RAB18: variants seen among roughly 807,000 people sequenced by gnomAD.
RAB18 encodes the protein RAB18, member RAS oncogene family.
A neutral mutation model predicts 28.5 loss-of-function variants in RAB18; 10 were observed. The observed-to-expected ratio is 0.35, with a 90% CI of 0.22 to 0.60. RAB18 has a LOEUF of 0.60. Among genes scored for constraint, RAB18 ranks in the 20% least tolerant of loss-of-function variants. The pLI, the probability that RAB18 is intolerant of heterozygous loss-of-function variation, is 0.78. For synonymous variants in RAB18, 93 were observed against 86.9 expected, an observed-to-expected ratio of 1.07 and a Z score of -0.39; for missense variants, 188 against 244.2, an observed-to-expected ratio of 0.77 and a Z score of 1.53.
intron 3 of RAB18, chr10:27,531,378 T>C: frequency 1.7e-5 from 22 of 1,283,832 alleles, no homozygotes; most frequent in Non-Finnish European, 2.3e-5. Context: ...TTTGAATTCT[T>C]CTCCAATCTT....
chr10:27,521,301 T>G (rs1293825676), intron 2 of RAB18, among the ~76,000 whole-genome samples: 1 of 152,194 alleles, frequency 6.6e-6, no homozygotes, highest in Non-Finnish European at 1.5e-5. Context: ...CTTCAAACCC[T>G]TTGTTTTCTG....
chr10:27,509,577 GAACAGTTAAAA>G (rs1338228122), intron 1 of RAB18, among the ~76,000 whole-genome samples: 1 of 152,026 alleles, frequency 6.6e-6, no homozygotes, highest in African/African-American at 2.4e-5. Flanking sequence ...GGACATACCA[GAACAGTTAAAA>G]AACAACTACA....
chr10:27,504,571 G>A (rs908527399), intron 1 of RAB18, 134 bp downstream of exon 1: 1 of 1,024,396 alleles, frequency 9.8e-7, no homozygotes, highest in African/African-American at 1.6e-5. Flanking sequence ...GCCCTCCTCG[G>A]CCTCTGGGCC....
In RAB18 at chr10:27,541,990, A is replaced by T. The variant is rs1047915; in HGVS notation, c.*3939A>T. On this transcript the variant is annotated 3_prime_UTR_variant, in exon 7 of 7. Coordinates refer to ENST00000356940, the MANE Select transcript of RAB18 (RefSeq NM_021252.5). ...CCCAGACCAGACTACTGAGATAAAG[A>T]TGTTTGCCTAGGCTTTTTCAGGAGC... 9,570 of 454,024 alleles carry T rather than the reference A, an allele frequency of 0.021. 145 individuals carry two copies. The highest frequency in any genetic ancestry group is 0.031 in the Non-Finnish European group (7,004 of 226,792). 28.1% of individuals were successfully genotyped at this position (454,024 alleles called of 1,614,324 possible). A position where few individuals can be genotyped will look rare whatever the true frequency, so the allele number is the denominator to read the frequency against.
intron 3 of RAB18, among the ~76,000 whole-genome samples, chr10:27,531,989 C>T (rs1268134115): frequency 6.6e-6 from 1 of 151,824 alleles, no homozygotes; most frequent in African/African-American, 2.4e-5. Flanking sequence ...TATGCATTTT[C>T]TCAAAAGGAG....
chr10:27,515,621 C>T (rs2138985578), intron 2 of RAB18, among the ~76,000 whole-genome samples: 1 of 152,158 alleles, frequency 6.6e-6, no homozygotes, highest in East Asian at 1.9e-4. Context: ...ATAATCCCAG[C>T]ACTTTGTGAG....
At chr10:27,527,032 TA>T in intron 3 of RAB18, 143 bp downstream of exon 3, 1 of 909,382 alleles carries the variant, frequency 1.1e-6, no homozygotes, top group Non-Finnish European at 1.8e-6. Context: ...GATTAAAGGA[TA>T]AACAGTAATG....
chr10:27,505,065 GA>G (rs1837785118), intron 1 of RAB18: 1 of 533,500 alleles, frequency 1.9e-6, no homozygotes, highest in South Asian at 1.4e-5. Flanking sequence ...GGCCACCTTT[GA>G]AAATAAAATG....
rs550766937 is a variant in RAB18, at chr10:27,538,652, T to C, written c.*601T>C. 1 of 453,916 alleles carries C rather than the reference T, an allele frequency of 2.2e-6. No homozygotes were observed. Among genetic ancestry groups the C allele is most frequent in the Admixed American group, 2.4e-5 (1 of 42,494 alleles). The allele number at this position is 453,916 out of a possible 1,614,324, so 28.1% of individuals were successfully genotyped here. A position where few individuals can be genotyped will look rare whatever the true frequency, so the allele number is the denominator to read the frequency against. ...AACAGCATTGATAGGTTAAAGAAGC[T>C]TGGTATTTTTAATTTACTTCAATGA... On this transcript the variant is annotated 3_prime_UTR_variant, in exon 7 of 7. Coordinates refer to ENST00000356940, the MANE Select transcript of RAB18 (RefSeq NM_021252.5).
Position 27,504,306 on chromosome 10 carries a change from T to A in RAB18, c.-64T>A. On this transcript the variant is annotated 5_prime_UTR_variant, in exon 1 of 7. Transcript: ENST00000356940. ...GCGGCGCGCATGCGCAGCAGCTCAC[T>A]CTGCTGAAGGGCTGAGAGGCGCACC... The A allele has an allele frequency of 2.0e-6, 3 of 1,489,384 alleles. No homozygotes were observed. The South Asian group carries it at 3.6e-5, about 18-fold the overall frequency. The allele number at this position is 1,489,384 out of a possible 1,614,324, so 92.3% of individuals were successfully genotyped here.
intron 4 of RAB18, among the ~76,000 whole-genome samples, chr10:27,533,108 G>A (rs1035632158): frequency 1.4e-4 from 22 of 152,052 alleles, no homozygotes; most frequent in African/African-American, 5.1e-4. Context: ...TTGATCAATT[G>A]TATTAATAGG....
chr10:27,523,611 C>CTTT (rs775018935), intron 2 of RAB18, among the ~76,000 whole-genome samples: 3 of 131,310 alleles, frequency 2.3e-5, no homozygotes, highest in East Asian at 2.1e-4. Context: ...CCATTTTTAC[C>CTTT]TTTTTTTTTT....
chr10:27,529,936 A>G (rs1834753857), intron 3 of RAB18, among the ~76,000 whole-genome samples: 1 of 152,046 alleles, frequency 6.6e-6, no homozygotes, highest in Non-Finnish European at 1.5e-5. Flanking sequence ...AAATATTCAC[A>G]AGCAAAGTTT....
Position 27,538,336 on chromosome 10 carries a change from T to C in RAB18, c.*285T>C. The C allele has an allele frequency of 1.9e-6, 1 of 527,918 alleles. No homozygotes were observed. Among genetic ancestry groups the C allele is most frequent in the South Asian group, 1.5e-5 (1 of 64,934 alleles). The allele number at this position is 527,918 out of a possible 1,614,324, so 32.7% of individuals were successfully genotyped here. A position where few individuals can be genotyped will look rare whatever the true frequency, so the allele number is the denominator to read the frequency against. On this transcript the variant is annotated 3_prime_UTR_variant, in exon 7 of 7. Transcript: ENST00000356940. ...ATTTATCATGTAATTTTTAAAAAAA[T>C]CCATCTATCTAGGATATGTTGATAC...
chr10:27,540,680 T>C lies in RAB18; in HGVS notation c.*2629T>C, dbSNP rs975274616. On this transcript the variant is annotated 3_prime_UTR_variant, in exon 7 of 7. Coordinates refer to ENST00000356940, the MANE Select transcript of RAB18 (RefSeq NM_021252.5). ...GTTAGGGGACTTATGGTACCTTCAC[T>C]TTTTATGTGAGAATAGAAATTATGG... The C allele has an allele frequency of 2.0e-5, 9 of 453,948 alleles. No homozygotes were observed. The highest frequency in any genetic ancestry group is 4.0e-5 in the Non-Finnish European group (9 of 226,760). The allele number at this position is 453,948 out of a possible 1,614,324, so 28.1% of individuals were successfully genotyped here. A position where few individuals can be genotyped will look rare whatever the true frequency, so the allele number is the denominator to read the frequency against.
At position 27,533,981 on chromosome 10, in the gene RAB18, C is replaced by A; in HGVS notation, c.432C>A (p.Ser144=). 6.3e-7 allele frequency: 1 copy of A among 1,599,588 alleles called. No individual in the cohort carries two copies. Among genetic ancestry groups the A allele is most frequent in the Non-Finnish European group, 8.6e-7 (1 of 1,166,944 alleles). ...GCCTGAAATTTGCACGAAAGCATTC[C>A]ATGTTATTTATAGGTAGGTGTGTGA... ...NEGLKFARKH[S]MLFIEASAKT... Residue 144 remains serine (S), a synonymous_variant, in exon 6 of 7, where the codon TCC becomes TCA. Coordinates refer to ENST00000356940, the MANE Select transcript of RAB18 (RefSeq NM_021252.5).
intron 6 of RAB18, among the ~76,000 whole-genome samples, chr10:27,537,562 G>A (rs1834925158): frequency 6.6e-6 from 1 of 152,204 alleles, no homozygotes; most frequent in African/African-American, 2.4e-5. Flanking sequence ...AGAGTTAACT[G>A]AAAGCTTAAG....
At position 27,539,712 on chromosome 10, in the gene RAB18, T is replaced by A. The variant is rs1267612762; in HGVS notation, c.*1661T>A. 1 of 451,776 alleles carries A rather than the reference T, an allele frequency of 2.2e-6. No homozygotes were observed. Among genetic ancestry groups the A allele is most frequent in the Non-Finnish European group, 4.4e-6 (1 of 226,204 alleles). The allele number at this position is 451,776 out of a possible 1,614,324, so 28.0% of individuals were successfully genotyped here. A position where few individuals can be genotyped will look rare whatever the true frequency, so the allele number is the denominator to read the frequency against. ...CTGTGTATTGGATTGTTGTCTTGAT[T>A]TGGTCTAAATTTGAATATATATGAG... On this transcript the variant is annotated 3_prime_UTR_variant, in exon 7 of 7. Transcript: ENST00000356940.
At chr10:27,504,465 G>A in intron 1 of RAB18, 28 bp downstream of exon 1, 1 of 1,555,126 alleles carries the variant, frequency 6.4e-7, no homozygotes, top group Non-Finnish European at 8.7e-7. Context: ...GTCGTGACGA[G>A]GGTGGCTGGG....
Sources: gnomAD v4.1 joint callset for allele counts (sites outside exome capture counted in the v4.1 genomes callset) on GRCh38, gnomAD v4.1.1 for gene constraint, MANE v1.5 for transcripts, NCBI Gene and HGNC (gene_info 2026-07-23, HGNC 2026-07-21) for gene names.